Variants in NBEA observed in about 807,000 individuals in gnomAD.
NBEA encodes the protein neurobeachin.
NBEA carries 44 observed loss-of-function variants against 343.4 expected under a neutral mutation model. That is an observed-to-expected ratio of 0.13 (90% CI 0.10 to 0.16). The LOEUF (loss-of-function observed/expected upper bound fraction) is 0.16, where lower values mean the gene tolerates loss of function less well. NBEA is among the 10% of genes least tolerant of loss of function. The pLI is 1.00. For missense variants in NBEA, 2,555 were observed against 3,631.3 expected (o/e 0.70, Z 7.62); for synonymous variants, 1,175 against 1,238.7 (o/e 0.95, Z 1.08).
chr13:35,354,998 G>A (rs2040412503), intron 38 of NBEA, among the ~76,000 whole-genome samples: 2 of 152,052 alleles, frequency 1.3e-5, no homozygotes, highest in Non-Finnish European at 2.9e-5. Flanking sequence ...CTCAGCCAAA[G>A]GCAACTCCAT....
At chr13:35,282,294 T>C (rs1251283233) in intron 34 of NBEA, among the ~76,000 whole-genome samples, 1 of 152,222 alleles carries the variant, frequency 6.6e-6, no homozygotes, top group Non-Finnish European at 1.5e-5. Context: ...ATCATATGAC[T>C]AACATGGTAT....
rs572354195 is a variant in NBEA, at chr13:34,987,033, G to T, written c.294+43919G>T. Among the ~76,000 whole-genome samples the T allele has an allele frequency of 2.6e-5, 4 of 151,038 alleles. No homozygotes were observed. The South Asian group carries it at 8.4e-4, about 32-fold the overall frequency. On this transcript the variant is annotated intron_variant, in intron 1 of 58. Transcript: ENST00000379939. ...ACATTTAAGGTTAATATTTTTATGT[G>T]AATCTGATCCTGTCATTATGCTGTT...
intron 17 of NBEA, among the ~76,000 whole-genome samples, chr13:35,133,519 A>G (rs2067544064): frequency 6.6e-6 from 1 of 152,126 alleles, no homozygotes; most frequent in African/African-American, 2.4e-5. Context: ...ATGTGTGTGA[A>G]CAGTGTTCAA....
intron 1 of NBEA, among the ~76,000 whole-genome samples, chr13:34,949,497 C>T (rs1375917944): frequency 6.6e-6 from 1 of 152,152 alleles, no homozygotes; most frequent in Non-Finnish European, 1.5e-5. Flanking sequence ...GAAGGAAAAT[C>T]TGCGTTATGG....
intron 34 of NBEA, among the ~76,000 whole-genome samples, chr13:35,258,417 G>T (rs1288173530): frequency 6.6e-6 from 1 of 151,936 alleles, no homozygotes; most frequent in Non-Finnish European, 1.5e-5. Context: ...GCCTGCCTCA[G>T]CGTCCCTAAG....
chr13:35,222,836 A>C (rs2074443991), intron 33 of NBEA, among the ~76,000 whole-genome samples: 1 of 152,184 alleles, frequency 6.6e-6, no homozygotes, highest in Non-Finnish European at 1.5e-5. Context: ...TATCTTAACG[A>C]AGAAACAGTA....
intron 38 of NBEA, 28 bp from the exon 39 acceptor site, chr13:35,432,241 G>C: frequency 6.4e-7 from 1 of 1,557,890 alleles, no homozygotes; most frequent in Non-Finnish European, 8.7e-7. Flanking sequence ...TTATTAATAG[G>C]GATTACTTTT....
intron 34 of NBEA, among the ~76,000 whole-genome samples, chr13:35,264,611 G>C (rs202129591): frequency 4.3e-4 from 2 of 4,686 alleles, no homozygotes; most frequent in Admixed American, 5.4e-3. Flanking sequence ...ATCAATAAAT[G>C]GTGATACATC....
At chr13:35,609,577 T>C (rs1428288560) in intron 48 of NBEA, among the ~76,000 whole-genome samples, 1 of 152,200 alleles carries the variant, frequency 6.6e-6, no homozygotes, top group East Asian at 1.9e-4. Flanking sequence ...GTGAAAAGCA[T>C]AGGGCATTTG....
At chr13:35,109,134 CTT>C (rs1356933135) in intron 11 of NBEA, among the ~76,000 whole-genome samples, 154 bp from the exon 12 acceptor site, 1 of 151,986 alleles carries the variant, frequency 6.6e-6, no homozygotes, top group Non-Finnish European at 1.5e-5. Flanking sequence ...TTTTAGATCT[CTT>C]AAAGTTATAT....
intron 10 of NBEA, among the ~76,000 whole-genome samples, chr13:35,089,388 A>G (rs1277433951): frequency 4.0e-5 from 6 of 148,858 alleles, no homozygotes; most frequent in African/African-American, 1.0e-4. Context: ...TAGAATGGCA[A>G]TCATTAAAAA....
intron 52 of NBEA, among the ~76,000 whole-genome samples, chr13:35,650,695 T>C (rs1421630684): frequency 6.6e-6 from 1 of 152,050 alleles, no homozygotes; most frequent in African/African-American, 2.4e-5. Flanking sequence ...AAGTGAGACT[T>C]TGTCTCAAAA....
intron 47 of NBEA, among the ~76,000 whole-genome samples, chr13:35,598,432 C>T (rs2081903931): frequency 6.6e-6 from 1 of 152,178 alleles, no homozygotes; most frequent in South Asian, 2.1e-4. Context: ...GCTTTGCCCT[C>T]TGAATCGTTC....
At chr13:35,541,868 T>C (rs934049164) in intron 41 of NBEA, among the ~76,000 whole-genome samples, 6 of 152,052 alleles carry the variant, frequency 3.9e-5, no homozygotes, top group African/African-American at 1.4e-4. Context: ...CTGAGCATTT[T>C]TTGAAAAGAG....
intron 38 of NBEA, among the ~76,000 whole-genome samples, chr13:35,370,382 T>C (rs764721622): frequency 9.9e-5 from 15 of 152,068 alleles, no homozygotes; most frequent in Non-Finnish European, 1.9e-4. Context: ...TTCCTTTACA[T>C]GGAATATTGT....
chr13:35,279,526 T>A (rs1463139793), intron 34 of NBEA, among the ~76,000 whole-genome samples: 1 of 152,238 alleles, frequency 6.6e-6, no homozygotes, highest in East Asian at 1.9e-4. Context: ...TTTAGAGGAA[T>A]GTAAAAACTA....
At chr13:35,046,673 C>T (rs773185307) in intron 4 of NBEA, among the ~76,000 whole-genome samples, 1 of 152,034 alleles carries the variant, frequency 6.6e-6, no homozygotes, top group South Asian at 2.1e-4. Context: ...ACAATTATAG[C>T]AATATATTAT....
At chr13:34,958,791 A>G (rs1242508052) in intron 1 of NBEA, among the ~76,000 whole-genome samples, 1 of 152,172 alleles carries the variant, frequency 6.6e-6, no homozygotes, top group African/African-American at 2.4e-5. Flanking sequence ...GATTTCCAAG[A>G]ATTGCAATAG....
intron 1 of NBEA, among the ~76,000 whole-genome samples, chr13:35,017,495 G>T (rs1276898022): frequency 1.3e-5 from 2 of 152,136 alleles, no homozygotes; most frequent in Non-Finnish European, 2.9e-5. Context: ...CAGTCTTTTT[G>T]ATTTGAATCT....
Sources: gnomAD v4.1 joint callset for allele counts (sites outside exome capture counted in the v4.1 genomes callset) on GRCh38, gnomAD v4.1.1 for gene constraint, MANE v1.5 for transcripts, NCBI Gene and HGNC (gene_info 2026-07-23, HGNC 2026-07-21) for gene names.